Variants in SPAG9 observed in about 807,000 individuals in gnomAD.
The protein encoded by SPAG9 is sperm associated antigen 9.
Under a neutral mutation model 166.5 loss-of-function variants are expected in SPAG9, and 35 were observed. The observed-to-expected ratio is 0.21, with a 90% confidence interval of 0.16 to 0.28. SPAG9 has a LOEUF of 0.28. SPAG9 is among the 10% of genes least tolerant of loss of function. SPAG9 has a pLI of 1.00. For missense variants in SPAG9, 1,235 were observed against 1,603.3 expected (o/e 0.77, Z 3.92); for synonymous variants, 534 against 565.5 (o/e 0.94, Z 0.79).
chr17:51,073,585 TA>T (rs1488184858), intron 2 of SPAG9, among the ~76,000 whole-genome samples: 4 of 151,578 alleles, frequency 2.6e-5, no homozygotes, highest in African/African-American at 9.7e-5. Context: ...CCTAAGGTGG[TA>T]AAGTGAAAAA....
intron 6 of SPAG9, among the ~76,000 whole-genome samples, chr17:51,030,232 TTTACAA>T (rs2046334279): frequency 6.6e-6 from 1 of 152,176 alleles, no homozygotes; most frequent in South Asian, 2.1e-4. Context: ...ATAAACTATG[TTTACAA>T]CTAGAGAAAA....
intron 1 of SPAG9, among the ~76,000 whole-genome samples, chr17:51,110,082 A>G (rs1486082043): frequency 6.6e-6 from 1 of 152,186 alleles, no homozygotes; most frequent in Non-Finnish European, 1.5e-5. Context: ...TAGGAGATAA[A>G]TATGTTAAGT....
intron 1 of SPAG9, among the ~76,000 whole-genome samples, chr17:51,103,615 C>A (rs776985952): frequency 6.6e-6 from 1 of 152,268 alleles, no homozygotes; most frequent in East Asian, 1.9e-4. Flanking sequence ...GAACTTAAGT[C>A]ATTTTCAAGA....
chr17:51,065,055 G>A (rs1598113880), intron 2 of SPAG9, among the ~76,000 whole-genome samples: 1 of 152,058 alleles, frequency 6.6e-6, no homozygotes, highest in African/African-American at 2.4e-5. Flanking sequence ...TCTGGGAGGC[G>A]AAGGTTGCAG....
chr17:51,083,231 C>CAT (rs1260880275), intron 1 of SPAG9, among the ~76,000 whole-genome samples: 1 of 141,882 alleles, frequency 7.0e-6, no homozygotes, highest in African/African-American at 2.6e-5. Flanking sequence ...TTTCTTTTTT[C>CAT]TTTTTTTTTT....
intron 2 of SPAG9, among the ~76,000 whole-genome samples, chr17:51,071,371 TCAATTCA>T (rs2047815891): frequency 1.3e-5 from 2 of 152,188 alleles, no homozygotes; most frequent in Non-Finnish European, 1.5e-5. Flanking sequence ...CAAGGCTTTC[TCAATTCA>T]CAACTTCCTT....
intron 13 of SPAG9, 105 bp downstream of exon 13, chr17:51,001,610 G>A: frequency 1.8e-6 from 2 of 1,116,480 alleles, no homozygotes; most frequent in Non-Finnish European, 2.5e-6. Context: ...AGTAAACAGA[G>A]AAAGGGGCTT....
At chr17:51,010,845 G>C (rs1237530721) in intron 9 of SPAG9, among the ~76,000 whole-genome samples, 3 of 152,028 alleles carry the variant, frequency 2.0e-5, no homozygotes, top group East Asian at 3.9e-4. Flanking sequence ...GGAAATAATA[G>C]TCTTGGGCTC....
At chr17:51,042,615 GT>G (rs1179476956) in intron 4 of SPAG9, 5 of 152,180 alleles carry the variant, frequency 3.3e-5, no homozygotes, top group Admixed American at 1.3e-4. Context: ...GAAAATTTCA[GT>G]TTTGCTAAGT....
intron 1 of SPAG9, among the ~76,000 whole-genome samples, chr17:51,096,909 T>C (rs1272258946): frequency 7.9e-5 from 12 of 152,250 alleles, no homozygotes; most frequent in Non-Finnish European, 1.3e-4. Flanking sequence ...TCTTTTTGTA[T>C]GTTAATGGGT....
At chr17:50,985,991 A>T (rs1235638815) in intron 22 of SPAG9, among the ~76,000 whole-genome samples, 2 of 152,262 alleles carry the variant, frequency 1.3e-5, no homozygotes, top group Admixed American at 1.3e-4. Flanking sequence ...AAAGAAAAAC[A>T]TATGAAGACT....
intron 2 of SPAG9, among the ~76,000 whole-genome samples, chr17:51,078,613 C>CTTT (rs1046509533): frequency 6.9e-6 from 1 of 145,882 alleles, no homozygotes; most frequent in African/African-American, 2.5e-5. Context: ...AGTTTCTCAC[C>CTTT]TTTTTTTTTT....
chr17:51,059,604 T>C (rs1399716318), intron 2 of SPAG9, among the ~76,000 whole-genome samples: 1 of 151,796 alleles, frequency 6.6e-6, no homozygotes, highest in Non-Finnish European at 1.5e-5. Context: ...ATACAAAAAC[T>C]AGCTGGGCGT....
intron 21 of SPAG9, among the ~76,000 whole-genome samples, chr17:50,989,183 T>C: frequency 6.6e-6 from 1 of 152,248 alleles, no homozygotes; most frequent in African/African-American, 2.4e-5. Flanking sequence ...TATACTACTA[T>C]ATTTCTACAG....
At chr17:51,074,694 T>C (rs749868955) in intron 2 of SPAG9, among the ~76,000 whole-genome samples, 2 of 152,194 alleles carry the variant, frequency 1.3e-5, no homozygotes, top group Non-Finnish European at 2.9e-5. Context: ...TTGTCAATTA[T>C]TTTTAAATGA....
At chr17:51,051,022 G>T (rs151320961) in intron 3 of SPAG9, among the ~76,000 whole-genome samples, 136 of 111,052 alleles carry the variant, frequency 1.2e-3, no homozygotes, top group African/African-American at 4.9e-3. Context: ...GGAAGAAAGA[G>T]AATTTAAAAA....
chr17:51,007,172 G>T, intron 10 of SPAG9, 97 bp downstream of exon 10: 1 of 632,202 alleles, frequency 1.6e-6, no homozygotes, highest in Non-Finnish European at 2.8e-6. Context: ...GATGGGACAG[G>T]GAGATTCCAT....
chr17:51,001,960 T>C (rs1041839983), intron 12 of SPAG9, 115 bp from the exon 13 acceptor site: 52 of 903,328 alleles, frequency 5.8e-5, no homozygotes, highest in East Asian at 2.0e-4. Context: ...TTTAATCTAG[T>C]AGATCATTTA....
At chr17:51,086,192 C>G (rs1033512389) in intron 1 of SPAG9, among the ~76,000 whole-genome samples, 2 of 151,750 alleles carry the variant, frequency 1.3e-5, no homozygotes, top group Non-Finnish European at 2.9e-5. Context: ...GTTGGCTGGG[C>G]TGGTCTCAAA....
Sources: gnomAD v4.1 joint callset for allele counts (sites outside exome capture counted in the v4.1 genomes callset) on GRCh38, gnomAD v4.1.1 for gene constraint, MANE v1.5 for transcripts, NCBI Gene and HGNC (gene_info 2026-07-23, HGNC 2026-07-21) for gene names.